Variants in GPR39 observed in about 807,000 individuals in gnomAD.
GPR39 encodes zinc sensing receptor.
Under a neutral mutation model 18.4 loss-of-function variants are expected in GPR39, and 23 were observed. The observed-to-expected ratio is 1.25, with a 90% CI of 0.90 to 1.77. The LOEUF (loss-of-function observed/expected upper bound fraction) is 1.77, where lower values mean the gene tolerates loss of function less well. Among genes scored for constraint, GPR39 ranks in the 40% most tolerant of loss-of-function variants. The pLI, the probability that GPR39 is intolerant of heterozygous loss-of-function variation, is 0.00. For synonymous variants in GPR39, 280 were observed against 257.9 expected (o/e 1.09, Z -0.82); for missense variants, 647 against 602.4 (o/e 1.07, Z -0.78).
chr2:132,480,021 C>A (rs1337016463), intron 1 of GPR39, among the ~76,000 whole-genome samples: 1 of 152,196 alleles, frequency 6.6e-6, no homozygotes, highest in Non-Finnish European at 1.5e-5. Flanking sequence ...GAGATGGAAG[C>A]AACCCAAATG....
rs554189014 is a variant in GPR39, at chr2:132,434,553, C to T, written c.856+16655C>T. ...GTGGTCTACTTGCCCCCAAACAGAA[C>T]ATCTCTAATTCAGCCTCTAGATTGG... is the stretch of plus-strand genomic sequence containing the variant. On this transcript the variant is annotated intron_variant, in intron 1 of 1. Coordinates refer to ENST00000329321, the MANE Select transcript of GPR39 (RefSeq NM_001508.3). 3.3e-5 allele frequency among the ~76,000 whole-genome samples: 5 copies of T among 152,278 alleles called. No homozygotes were observed. The East Asian group carries it at 5.8e-4, about 18-fold the overall frequency.
intron 1 of GPR39, among the ~76,000 whole-genome samples, chr2:132,531,242 C>T (rs977952332): frequency 4.6e-5 from 7 of 151,968 alleles, no homozygotes; most frequent in Non-Finnish European, 7.4e-5. Context: ...CAACAAAGAT[C>T]AAAAGAGACA....
chr2:132,619,637 C>T (rs1681398725), intron 1 of GPR39, among the ~76,000 whole-genome samples: 1 of 152,178 alleles, frequency 6.6e-6, no homozygotes, highest in African/African-American at 2.4e-5. Flanking sequence ...CCCCTGGAAC[C>T]TGTCTAGGCA....
intron 1 of GPR39, among the ~76,000 whole-genome samples, chr2:132,499,240 G>GT (rs1008723180): frequency 1.3e-4 from 20 of 152,306 alleles, no homozygotes; most frequent in Non-Finnish European, 2.8e-4. Flanking sequence ...TTTATATGAA[G>GT]TGAGAGATGA....
At chr2:132,575,920 G>C (rs1409394847) in intron 1 of GPR39, among the ~76,000 whole-genome samples, 1 of 152,126 alleles carries the variant, frequency 6.6e-6, no homozygotes, top group Non-Finnish European at 1.5e-5. Context: ...TTGTAAAGGA[G>C]ACCCCAGAGG....
At chr2:132,529,167 G>A (rs1179457221) in intron 1 of GPR39, among the ~76,000 whole-genome samples, 9 of 152,152 alleles carry the variant, frequency 5.9e-5, no homozygotes, top group African/African-American at 1.4e-4. Context: ...CTAATACTGC[G>A]CTTTTCCAAC....
chr2:132,535,873 C>G (rs965881857), intron 1 of GPR39, among the ~76,000 whole-genome samples: 3 of 151,652 alleles, frequency 2.0e-5, no homozygotes, highest in African/African-American at 4.8e-5. Context: ...ATGGTATTCT[C>G]TGCTGGTAGT....
chr2:132,486,937 T>A (rs1681352635), intron 1 of GPR39, among the ~76,000 whole-genome samples: 1 of 152,270 alleles, frequency 6.6e-6, no homozygotes, highest in African/African-American at 2.4e-5. Flanking sequence ...CAAGCCTTTC[T>A]TACTAAGCTT....
chr2:132,476,881 A>G (rs1046089096), intron 1 of GPR39, among the ~76,000 whole-genome samples: 7 of 152,094 alleles, frequency 4.6e-5, no homozygotes, highest in East Asian at 1.9e-4. Flanking sequence ...GGCTCTGCCA[A>G]TTCCTTCCCA....
chr2:132,423,329 G>GT (rs1680050730), intron 1 of GPR39, among the ~76,000 whole-genome samples: 1 of 150,148 alleles, frequency 6.7e-6, no homozygotes, highest in African/African-American at 2.5e-5. Flanking sequence ...CTTCTTATAA[G>GT]GATGCTGGTC....
intron 1 of GPR39, among the ~76,000 whole-genome samples, chr2:132,560,624 G>C (rs1461178607): frequency 1.3e-5 from 2 of 152,188 alleles, no homozygotes; most frequent in East Asian, 3.9e-4. Flanking sequence ...ACACTTTACA[G>C]TGTTGATCAC....
At chr2:132,442,772 T>C (rs551866612) in intron 1 of GPR39, among the ~76,000 whole-genome samples, 1 of 152,340 alleles carries the variant, frequency 6.6e-6, no homozygotes, top group South Asian at 2.1e-4. Context: ...TGCTTTTTTT[T>C]CTTACAATTT....
chr2:132,520,620 C>T (rs575618003), intron 1 of GPR39, among the ~76,000 whole-genome samples: 1 of 152,332 alleles, frequency 6.6e-6, no homozygotes, highest in African/African-American at 2.4e-5. Flanking sequence ...TCACTGCCTG[C>T]CAGGCATGGT....
intron 1 of GPR39, among the ~76,000 whole-genome samples, chr2:132,487,795 A>G (rs1001254915): frequency 6.6e-6 from 1 of 152,180 alleles, no homozygotes; most frequent in African/African-American, 2.4e-5. Context: ...AGAGGGTAGA[A>G]TGAGAAAGTT....
At chr2:132,570,799 A>T (rs1260641709) in intron 1 of GPR39, among the ~76,000 whole-genome samples, 1 of 152,142 alleles carries the variant, frequency 6.6e-6, no homozygotes, top group Admixed American at 6.5e-5. Context: ...CTGAGGCAGC[A>T]GCCTAGAGGA....
At chr2:132,576,522 G>A (rs1404577159) in intron 1 of GPR39, among the ~76,000 whole-genome samples, 2 of 152,026 alleles carry the variant, frequency 1.3e-5, no homozygotes, top group Non-Finnish European at 2.9e-5. Flanking sequence ...CCATGGTGGT[G>A]TGCACCTGTA....
chr2:132,432,117 C>A (rs1233740906), intron 1 of GPR39, among the ~76,000 whole-genome samples: 1 of 152,152 alleles, frequency 6.6e-6, no homozygotes, highest in African/African-American at 2.4e-5. Context: ...TCCATTTGGG[C>A]TGTTATATCG....
chr2:132,474,732 G>A (rs559792412), intron 1 of GPR39, among the ~76,000 whole-genome samples: 4 of 152,230 alleles, frequency 2.6e-5, no homozygotes, highest in Non-Finnish European at 5.9e-5. Context: ...CGATGTTAAG[G>A]GCTGCTTCCT....
intron 1 of GPR39, among the ~76,000 whole-genome samples, chr2:132,584,520 G>A (rs1004976105): frequency 1.3e-5 from 2 of 152,082 alleles, no homozygotes; most frequent in African/African-American, 4.8e-5. Flanking sequence ...GAGGTTGAAA[G>A]GGAAGGAAGG....
Sources: allele counts gnomAD v4.1 joint callset (sites outside exome capture counted in the v4.1 genomes callset), GRCh38; gene constraint gnomAD v4.1.1; transcripts MANE v1.5; gene names NCBI Gene and HGNC (gene_info 2026-07-23, HGNC 2026-07-21).